The following SLC43A1 variants were observed in gnomAD, a reference collection of about 807,000 sequenced individuals.
SLC43A1 encodes the protein large neutral amino acids transporter small subunit 3.
SLC43A1 carries 31 observed loss-of-function variants against 59.5 expected under a neutral mutation model. That is an observed-to-expected ratio of 0.52 (90% confidence interval 0.39 to 0.70). SLC43A1 has a LOEUF of 0.70. Among genes scored for constraint, SLC43A1 ranks in the 30% least tolerant of loss-of-function variants. The probability of loss-of-function intolerance (pLI) is 0.00; values close to 1 mark genes in which losing one functional copy is unlikely to be tolerated. For missense variants in SLC43A1, 598 were observed against 717.8 expected, an observed-to-expected ratio of 0.83 and a Z score of 1.91; for synonymous variants, 259 against 290.9, an observed-to-expected ratio of 0.89 and a Z score of 1.12.
In SLC43A1 at chr11:57,501,012, C is replaced by A; in HGVS notation, c.364G>T (p.Ala122Ser). The A allele has an allele frequency of 5.0e-6, 8 of 1,601,466 alleles. No individual in the cohort carries two copies. Among genetic ancestry groups the A allele is most frequent in the Non-Finnish European group, 6.8e-6 (8 of 1,173,842 alleles). Residue 122 changes from alanine to serine, a missense_variant, in exon 4 of 15, where the codon GCC becomes TCC. Transcript: ENST00000278426. ...CCTTCCACGTCCCGGGAGGCCAGGG[C>A]CATGAGGGTGCAGGACGCAGTGAAG... ...ACFTASCTLM[A>S]LASRDVEALS...
intron 2 of SLC43A1, 106 bp downstream of exon 2, chr11:57,513,852 C>A: frequency 2.3e-6 from 2 of 876,764 alleles, no homozygotes; most frequent in Non-Finnish European, 1.8e-6. Context: ...GGCTGTCCAA[C>A]TGCTGACCCT....
chr11:57,489,934 G>A (rs1943851698), intron 11 of SLC43A1, among the ~76,000 whole-genome samples: 1 of 152,234 alleles, frequency 6.6e-6, no homozygotes, highest in South Asian at 2.1e-4. Context: ...GAGGTCAGTA[G>A]GCTGGGGTGA....
intron 2 of SLC43A1, among the ~76,000 whole-genome samples, chr11:57,509,627 AAGGAAGG>A (rs1944477211): frequency 7.6e-6 from 1 of 132,432 alleles, no homozygotes; most frequent in Non-Finnish European, 1.6e-5. Context: ...GGAAGGAAGG[AAGGAAGG>A]AAGGAAGGAA....
At chr11:57,510,186 G>A (rs931497421) in intron 2 of SLC43A1, among the ~76,000 whole-genome samples, 2 of 152,100 alleles carry the variant, frequency 1.3e-5, no homozygotes, top group African/African-American at 4.8e-5. Flanking sequence ...GCCGGGCGCG[G>A]TGGCTCATGC....
intron 2 of SLC43A1, among the ~76,000 whole-genome samples, chr11:57,507,917 C>T (rs1168438001): frequency 1.3e-5 from 2 of 152,152 alleles, no homozygotes; most frequent in East Asian, 3.8e-4. Context: ...TTCACAACAG[C>T]GCTATAAGGT....
chr11:57,501,890 T>C (rs1944277728), intron 2 of SLC43A1, among the ~76,000 whole-genome samples: 1 of 152,220 alleles, frequency 6.6e-6, no homozygotes, highest in South Asian at 2.1e-4. Context: ...GCTTTCCCGA[T>C]AAATGATAGT....
intron 11 of SLC43A1, among the ~76,000 whole-genome samples, chr11:57,489,766 A>C (rs2135150746): frequency 1.3e-5 from 2 of 152,336 alleles, no homozygotes; most frequent in Middle Eastern, 3.4e-3. Flanking sequence ...GAAGGTGGGA[A>C]GTGGGAAGCT....
At chr11:57,512,543 C>CA (rs1198549159) in intron 2 of SLC43A1, among the ~76,000 whole-genome samples, 6,847 of 122,510 alleles carry the variant, frequency 0.056, 243 homozygotes, top group African/African-American at 0.11. Flanking sequence ...GACTCTGTCT[C>CA]AAAAAAAAAA....
In SLC43A1 at chr11:57,489,399, A is replaced by G. The variant is rs1244129019; in HGVS notation, c.1194-7T>C. The stretch of plus-strand genomic sequence containing the variant: ...TTTGGTAGCAACCCCGTCCCTGAGG[A>G]GTACGGGAAGTCACTGGCTGCTGCC... On this transcript the variant is annotated splice_region_variant and splice_polypyrimidine_tract_variant and intron_variant, in intron 11 of 14. Transcript: ENST00000278426. The G allele has an allele frequency of 3.7e-6, 6 of 1,613,882 alleles. No homozygotes were observed. The South Asian group carries it at 6.6e-5, about 18-fold the overall frequency.
At chr11:57,487,954 T>C (rs751089028) in intron 13 of SLC43A1, among the ~76,000 whole-genome samples, 1 of 151,750 alleles carries the variant, frequency 6.6e-6, no homozygotes, top group Non-Finnish European at 1.5e-5. Flanking sequence ...GAGTGAACAA[T>C]GGAGGAGGGG....
rs757659887 is a variant in SLC43A1, at chr11:57,500,809, A to C, written c.435T>G (p.Gly145=). Residue 145 remains glycine, a synonymous_variant, in exon 5 of 15, where the codon GGT becomes GGG. Coordinates refer to ENST00000278426, the MANE Select transcript of SLC43A1 (RefSeq NM_003627.6). ...IFLALSLNGF[G]GICLTFTSLT... is the part of the protein sequence containing the mutation. ...GTGAAGTGAACGTTAGGCAGATGCC[A>C]CCAAAGCCATTCAGGGACAGCGCCA... 5.6e-6 allele frequency: 9 copies of C among 1,614,130 alleles called. No homozygotes were observed. The highest frequency in any genetic ancestry group is 3.3e-5 in the Admixed American group (2 of 60,004).
intron 5 of SLC43A1, among the ~76,000 whole-genome samples, chr11:57,500,342 C>T (rs1402171091): frequency 6.6e-6 from 1 of 152,216 alleles, no homozygotes; most frequent in Non-Finnish European, 1.5e-5. Context: ...TGCTCCCTCC[C>T]CCTCAAGATC....
chr11:57,512,529 G>A (rs1944574982), intron 2 of SLC43A1, among the ~76,000 whole-genome samples: 1 of 150,728 alleles, frequency 6.6e-6, no homozygotes, highest in Non-Finnish European at 1.5e-5. Context: ...GGGTGACAGA[G>A]TGAGACTCTG....
chr11:57,501,916 C>G (rs750612804), intron 2 of SLC43A1, among the ~76,000 whole-genome samples: 2 of 152,236 alleles, frequency 1.3e-5, no homozygotes, highest in African/African-American at 4.8e-5. Flanking sequence ...AAAATAATAG[C>G]TAATACTTAT....
intron 8 of SLC43A1, among the ~76,000 whole-genome samples, chr11:57,492,536 GTATATATATATATA>G (rs71061509): frequency 0.28 from 22,375 of 79,652 alleles, 2,740 homozygotes; most frequent in Middle Eastern, 0.35. Flanking sequence ...ATAATTTTGT[GTATATATATATATA>G]TATATATATA....
intron 11 of SLC43A1, 120 bp from the exon 12 acceptor site, chr11:57,489,512 A>C: frequency 7.9e-7 from 1 of 1,271,090 alleles, no homozygotes; most frequent in Non-Finnish European, 1.1e-6. Context: ...AAACACAGAA[A>C]TCCATGTTTC....
rs1415610228 is a variant in SLC43A1 at position 57,514,838 on chromosome 11, C to T, written c.-14+606G>A. ...TCGGAACCCGCTTGCCCCCCTCCAG[C>T]CCCGGGAGGGGGCTCGGACTTCGGC... On this transcript the variant is annotated intron_variant, in intron 1 of 14. Transcript: ENST00000278426. This position sits in a 1 kb window ranked among gnomAD's most constrained non-coding sequence, Gnocchi z 5.5. 54 of 985,376 alleles carry T rather than the reference C, an allele frequency of 5.5e-5. No homozygotes were observed. The highest frequency in any genetic ancestry group is 6.5e-5 in the Non-Finnish European group (54 of 830,034). The allele number at this position is 985,376 out of a possible 1,614,324, so 61.0% of individuals were successfully genotyped here.
chr11:57,497,749 A>G lies in SLC43A1; in HGVS notation c.558+4T>C. The G allele has an allele frequency of 1.2e-6, 2 of 1,612,220 alleles. No homozygotes were observed. The highest frequency in any genetic ancestry group is 1.1e-5 in the South Asian group (1 of 91,000). ...ACAAAAAGAAAACCCAGGTGGCCTCATACCTTGATTCCTGGGAACGTAATG... is the reference window on the plus strand; with the variant it reads ...ACAAAAAGAAAACCCAGGTGGCCTCGTACCTTGATTCCTGGGAACGTAATG... On this transcript the variant is annotated splice_donor_region_variant and intron_variant, in intron 6 of 14. Transcript: ENST00000278426.
At chr11:57,489,507 C>G in intron 11 of SLC43A1, 115 bp from the exon 12 acceptor site, 1 of 1,289,452 alleles carries the variant, frequency 7.8e-7, no homozygotes, top group Non-Finnish European at 1.1e-6. Context: ...GCAGAAAACA[C>G]AGAAATCCAT....
Sources: allele counts gnomAD v4.1 joint callset (sites outside exome capture counted in the v4.1 genomes callset), GRCh38; gene constraint gnomAD v4.1.1; non-coding constraint Gnocchi (gnomAD v3.1); transcripts MANE v1.5; gene names NCBI Gene and HGNC (gene_info 2026-07-23, HGNC 2026-07-21).